ARFGEF2: variants seen among roughly 807,000 people sequenced by gnomAD.
The protein encoded by ARFGEF2 is ARF guanine nucleotide exchange factor 2.
A neutral mutation model predicts 219.9 loss-of-function variants in ARFGEF2; 74 were observed. The observed-to-expected ratio is 0.34, with a 90% CI of 0.28 to 0.41. The LOEUF is 0.41. Ranked by LOEUF, ARFGEF2 falls within the 10% of genes least tolerant of loss-of-function variation. The probability of loss-of-function intolerance (pLI) is 1.00; values close to 1 mark genes in which losing one functional copy is unlikely to be tolerated. For missense variants in ARFGEF2, 1,743 were observed against 2,218.3 expected (o/e 0.79, Z 4.30); for synonymous variants, 733 against 799.2 (o/e 0.92, Z 1.40).
chr20:49,016,679 A>G lies in ARFGEF2; in HGVS notation c.4315+264A>G, dbSNP rs73264295. On this transcript the variant is annotated intron_variant, in intron 31 of 38. Coordinates refer to ENST00000371917, the MANE Select transcript of ARFGEF2 (RefSeq NM_006420.3). Reference sequence around the variant, plus strand: ...ATTATACTGTTCTTTTTACTTTTGTATATGTTTGAAATTTTCTCTAGTAAA... The same window carrying G: ...ATTATACTGTTCTTTTTACTTTTGTGTATGTTTGAAATTTTCTCTAGTAAA... 0.014 allele frequency among the ~76,000 whole-genome samples: 2,164 copies of G among 152,128 alleles called. 45 individuals carry two copies. The highest frequency in any genetic ancestry group is 0.049 in the African/African-American group (2,028 of 41,500).
intron 1 of ARFGEF2, among the ~76,000 whole-genome samples, chr20:48,940,476 C>G (rs6019544): frequency 0.38 from 58,212 of 151,884 alleles, 12,217 homozygotes; most frequent in African/African-American, 0.57. Flanking sequence ...TTGTTATATT[C>G]GTTTCCAGTC....
intron 28 of ARFGEF2, among the ~76,000 whole-genome samples, chr20:49,013,237 TA>T (rs1020103937): frequency 6.6e-6 from 1 of 152,200 alleles, no homozygotes; most frequent in Non-Finnish European, 1.5e-5. Context: ...AGACCTAAGA[TA>T]ATGATACATC....
At position 48,990,602 on chromosome 20, in the gene ARFGEF2, G is replaced by C. The variant is rs184057327; in HGVS notation, c.2815-438G>C. 2.7e-4 allele frequency among the ~76,000 whole-genome samples: 41 copies of C among 152,204 alleles called. 1 individual carries two copies. Among genetic ancestry groups the C allele is most frequent in the Non-Finnish European group, 1.9e-4 (13 of 68,004 alleles). ...CAAGCTTTGACGTTAGACCATCTAG[G>C]TTTCAAGACCCCACTCTGCCACCTC... On this transcript the variant is annotated intron_variant, in intron 20 of 38. Coordinates refer to ENST00000371917, the MANE Select transcript of ARFGEF2 (RefSeq NM_006420.3).
At chr20:48,935,349 C>T (rs1367400338) in intron 1 of ARFGEF2, among the ~76,000 whole-genome samples, 2 of 152,070 alleles carry the variant, frequency 1.3e-5, no homozygotes, top group Non-Finnish European at 2.9e-5. Context: ...TCTTGCACCG[C>T]CCTTAATCCA....
intron 10 of ARFGEF2, among the ~76,000 whole-genome samples, chr20:48,971,583 T>TTATA (rs2091227900): frequency 6.6e-6 from 1 of 152,102 alleles, no homozygotes; most frequent in Admixed American, 6.6e-5. Flanking sequence ...TTTGAATGAG[T>TTATA]AAGAGAATAT....
chr20:49,030,154 C>A (rs1007487047), intron 37 of ARFGEF2, among the ~76,000 whole-genome samples: 5 of 151,660 alleles, frequency 3.3e-5, no homozygotes, highest in Non-Finnish European at 4.4e-5. Context: ...GTGATCCCCC[C>A]ACCTCGGCCT....
chr20:48,965,945 T>A lies in ARFGEF2; in HGVS notation c.981T>A (p.Ile327=). 4 of 1,614,130 alleles carry A rather than the reference T, an allele frequency of 2.5e-6. No individual in the cohort carries two copies. The highest frequency in any genetic ancestry group is 3.4e-6 in the Non-Finnish European group (4 of 1,179,992). ...AACTGGAGTGCCAGGAATGTGCTAT[T>A]CCCCCAGGAGTTGATGAAAACTCAC... ...LGELECQECA[I]PPGVDENSQT... Residue 327 remains isoleucine, a synonymous_variant, in exon 8 of 39, where the codon ATT becomes ATA. Coordinates refer to ENST00000371917, the MANE Select transcript of ARFGEF2 (RefSeq NM_006420.3).
At chr20:49,000,686 G>A (rs958430410) in intron 25 of ARFGEF2, among the ~76,000 whole-genome samples, 5 of 152,212 alleles carry the variant, frequency 3.3e-5, no homozygotes, top group African/African-American at 9.6e-5. Flanking sequence ...CAGAACAAAC[G>A]CTGCTCATTT....
chr20:49,030,621 T>G (rs182755218), intron 37 of ARFGEF2, among the ~76,000 whole-genome samples: 2 of 151,890 alleles, frequency 1.3e-5, no homozygotes, highest in Admixed American at 1.3e-4. Flanking sequence ...AAAAAAGAAT[T>G]AATTAATTAA....
intron 2 of ARFGEF2, 148 bp from the exon 3 acceptor site, chr20:48,941,716 G>A: frequency 8.7e-7 from 1 of 1,152,072 alleles, no homozygotes; most frequent in Non-Finnish European, 1.3e-6. Context: ...TGGTGTTTTT[G>A]CTAATGCATG....
chr20:49,007,475 G>A (rs1367206865), intron 26 of ARFGEF2, among the ~76,000 whole-genome samples: 6 of 151,804 alleles, frequency 4.0e-5, no homozygotes, highest in Admixed American at 3.9e-4. Flanking sequence ...TTTTGGTAGA[G>A]ATGGGGTTTC....
At chr20:49,012,125 A>G (rs2091503606) in intron 28 of ARFGEF2, 41 bp downstream of exon 28, 2 of 1,612,818 alleles carry the variant, frequency 1.2e-6, no homozygotes, top group East Asian at 4.5e-5. Flanking sequence ...CAGTGAAGGG[A>G]AAAGGTCATG....
At chr20:48,949,749 A>G (rs981695339) in intron 3 of ARFGEF2, among the ~76,000 whole-genome samples, 2 of 152,140 alleles carry the variant, frequency 1.3e-5, no homozygotes, top group Non-Finnish European at 2.9e-5. Context: ...TGGCTGCTCT[A>G]TAGATAACCT....
At chr20:48,988,194 G>T (rs760869218) in intron 16 of ARFGEF2, 110 bp from the exon 17 acceptor site, 158 of 777,534 alleles carry the variant, frequency 2.0e-4, no homozygotes, top group Non-Finnish European at 3.2e-4. Flanking sequence ...GCCTCATTTG[G>T]AATCAAGGGG....
intron 37 of ARFGEF2, among the ~76,000 whole-genome samples, chr20:49,030,509 A>C (rs1211188418): frequency 6.6e-6 from 1 of 151,580 alleles, no homozygotes; most frequent in Non-Finnish European, 1.5e-5. Flanking sequence ...AAATATTGTC[A>C]TGTATCCCTT....
intron 36 of ARFGEF2, among the ~76,000 whole-genome samples, chr20:49,026,567 G>A (rs913654305): frequency 1.4e-5 from 2 of 142,940 alleles, no homozygotes; most frequent in Non-Finnish European, 1.5e-5. Context: ...TTTTTGTATT[G>A]TTAATTTTTA....
Position 48,965,879 on chromosome 20 carries a change from G to A in ARFGEF2, c.915G>A (p.Ala305=), listed in dbSNP as rs746454949. The stretch of plus-strand genomic sequence containing the variant: ...TTGTACTTGTGTTTTAAGAAGCAGC[G>A]GAAAAGCATGGTCTGACAGAACCTG... The part of the protein sequence containing the change: ...DVVTSAIKEA[A]EKHGLTEPER... The change falls in exon 8 of 39, where the codon GCG becomes GCA. Residue 305 remains alanine (A), a synonymous_variant. Transcript: ENST00000371917. 2.8e-5 allele frequency: 45 copies of A among 1,614,014 alleles called. 1 individual carries two copies. Among genetic ancestry groups the A allele is most frequent in the Middle Eastern group, 3.3e-4 (2 of 6,084 alleles).
intron 22 of ARFGEF2, among the ~76,000 whole-genome samples, chr20:48,995,136 C>G (rs986962284): frequency 1.3e-5 from 2 of 152,110 alleles, no homozygotes; most frequent in African/African-American, 2.4e-5. Flanking sequence ...ATTTAATGCT[C>G]AAAACAATCC....
chr20:48,972,467 C>CT (rs745714684), intron 11 of ARFGEF2, 42 bp downstream of exon 11: 31 of 1,433,456 alleles, frequency 2.2e-5, no homozygotes, highest in Non-Finnish European at 2.6e-5. Flanking sequence ...ACTTCTGATG[C>CT]TTTAATTTGC....
Sources: gnomAD v4.1 joint callset for allele counts (sites outside exome capture counted in the v4.1 genomes callset) on GRCh38, gnomAD v4.1.1 for gene constraint, MANE v1.5 for transcripts, NCBI Gene and HGNC (gene_info 2026-07-23, HGNC 2026-07-21) for gene names.